Variants in KMT2E observed in about 807,000 individuals in gnomAD.
KMT2E encodes the protein lysine methyltransferase 2E (inactive).
KMT2E carries 30 observed loss-of-function variants against 184.6 expected under a neutral mutation model. The observed-to-expected ratio is 0.16, with a 90% CI of 0.12 to 0.22. KMT2E has a LOEUF of 0.22. Ranked by LOEUF, KMT2E falls within the 10% of genes least tolerant of loss-of-function variation. KMT2E has a pLI of 1.00. For missense variants in KMT2E, 2,023 were observed against 2,237.4 expected (o/e 0.90, Z 1.93); for synonymous variants, 815 against 776.5 (o/e 1.05, Z -0.82).
At chr7:105,110,188 C>A in intron 23 of KMT2E, 92 bp from the exon 24 acceptor site, 1 of 1,003,226 alleles carries the variant, frequency 1.0e-6, no homozygotes, top group Non-Finnish European at 1.6e-6. Flanking sequence ...AGATCAAAAG[C>A]CTTGGTCTGA....
In KMT2E at chr7:105,073,604, A is replaced by G. The variant is rs1008610462; in HGVS notation, c.498-15A>G. 7.8e-6 allele frequency: 12 copies of G among 1,537,354 alleles called. No homozygotes were observed. The highest frequency in any genetic ancestry group is 1.1e-5 in the South Asian group (1 of 88,056). On this transcript the variant is annotated splice_polypyrimidine_tract_variant and intron_variant, in intron 6 of 26. Transcript: ENST00000311117. ...CATGTATTTGATAAATAATTATGCT[A>G]ATTTTTTAATGTAGGAATTTGGATA... is the stretch of plus-strand genomic sequence containing the variant.
chr7:105,049,443 CAA>C (rs772840459), intron 3 of KMT2E, among the ~76,000 whole-genome samples: 2 of 126,738 alleles, frequency 1.6e-5, no homozygotes, highest in African/African-American at 2.9e-5. Flanking sequence ...GACCTTGTCT[CAA>C]AAAAAAAAAA....
intron 13 of KMT2E, among the ~76,000 whole-genome samples, chr7:105,082,815 A>G (rs562719055): frequency 2.0e-5 from 3 of 152,314 alleles, no homozygotes; most frequent in African/African-American, 7.2e-5. Context: ...AAGAGTCCAT[A>G]TCATAAAAAA....
At chr7:105,101,388 G>T in intron 15 of KMT2E, 37 bp from the exon 16 acceptor site, 2 of 1,385,952 alleles carry the variant, frequency 1.4e-6, no homozygotes, top group South Asian at 1.5e-5. Flanking sequence ...TTTGAGCATT[G>T]ATATTTATGA....
intron 1 of KMT2E, among the ~76,000 whole-genome samples, chr7:105,020,143 A>C (rs1794889659): frequency 6.6e-6 from 1 of 152,020 alleles, no homozygotes; most frequent in South Asian, 2.1e-4. Flanking sequence ...AAATTAAAAA[A>C]AAAAATTCTT....
chr7:105,070,906 A>G (rs978373209), intron 6 of KMT2E, among the ~76,000 whole-genome samples: 2 of 152,228 alleles, frequency 1.3e-5, no homozygotes, highest in African/African-American at 4.8e-5. Flanking sequence ...ACTCAAATAT[A>G]AAGCAAGTTA....
chr7:105,057,904 A>C (rs909535329), intron 3 of KMT2E, among the ~76,000 whole-genome samples: 1 of 152,220 alleles, frequency 6.6e-6, no homozygotes, highest in African/African-American at 2.4e-5. Context: ...TTCATCTTCA[A>C]ATTTTCTCAC....
In KMT2E at chr7:105,109,033, A is replaced by G. The variant is rs1446783417; in HGVS notation, c.3560A>G (p.His1187Arg). Residue 1187 changes from histidine to arginine, a missense_variant, in exon 23 of 27, where the codon CAT becomes CGT. His to Arg is a conservative substitution (Grantham distance 29). This residue lies in a region of KMT2E where 1,108 missense variants were observed against 1,050.9 expected (regional missense o/e 1.05). Coordinates refer to ENST00000311117, the MANE Select transcript of KMT2E (RefSeq NM_182931.3). ...TTTCCACTCATTAGTGTATCACCCC[A>G]TGCAAGTGGAAGCTTGAGCAACAAT... Reference protein sequence around the residue: ...ENFPLISVSPHASGSLSNNGD... With the variant: ...ENFPLISVSPRASGSLSNNGD... 1.9e-6 allele frequency: 3 copies of G among 1,614,076 alleles called. No individual in the cohort carries two copies. The highest frequency in any genetic ancestry group is 1.1e-5 in the South Asian group (1 of 91,092).
rs569662642 is a variant in KMT2E, at chr7:105,085,715, G to T, written c.1358+3918G>T. ...TTTTTTTTTTTGGAGACGGAGTCTC[G>T]CTCTGTCGCCTAGGATGGAGTGTGG... On this transcript the variant is annotated intron_variant, in intron 13 of 26. Transcript: ENST00000311117. Among the ~76,000 whole-genome samples, 193 of 146,252 alleles carry T rather than the reference G, an allele frequency of 1.3e-3. 4 individuals are homozygous for T. Among genetic ancestry groups the T allele is most frequent in the African/African-American group, 4.8e-3 (185 of 38,708 alleles).
chr7:105,031,272 G>T (rs529747093), intron 1 of KMT2E, among the ~76,000 whole-genome samples: 6 of 149,426 alleles, frequency 4.0e-5, no homozygotes, highest in Middle Eastern at 3.4e-3. Context: ...CAGGACAATC[G>T]CTTGATCCTG....
intron 21 of KMT2E, 62 bp from the exon 22 acceptor site, chr7:105,107,300 T>C: frequency 2.6e-6 from 4 of 1,519,712 alleles, no homozygotes; most frequent in South Asian, 2.5e-5. Context: ...CTGGTAAATT[T>C]TGAAATAAAC....
intron 20 of KMT2E, 52 bp from the exon 21 acceptor site, chr7:105,107,114 A>G (rs1045067432): frequency 3.2e-6 from 3 of 932,456 alleles, no homozygotes; most frequent in Non-Finnish European, 4.9e-6. Flanking sequence ...ATTATTATGG[A>G]TATACTTACG....
At chr7:105,051,214 T>C (rs554516678) in intron 3 of KMT2E, among the ~76,000 whole-genome samples, 1 of 149,462 alleles carries the variant, frequency 6.7e-6, no homozygotes, top group Non-Finnish European at 1.5e-5. Context: ...AGATGGAGTT[T>C]CGCTCTTGTT....
intron 3 of KMT2E, among the ~76,000 whole-genome samples, chr7:105,047,141 T>C (rs1796140883): frequency 6.6e-6 from 1 of 152,232 alleles, no homozygotes; most frequent in South Asian, 2.1e-4. Context: ...TGAAATGTTG[T>C]CTACCAAGGA....
intron 2 of KMT2E, among the ~76,000 whole-genome samples, chr7:105,039,953 T>A (rs147723094): frequency 6.6e-6 from 1 of 152,176 alleles, no homozygotes; most frequent in Non-Finnish European, 1.5e-5. Context: ...TTAGAAAAAT[T>A]GATGTTGAAG....
chr7:105,112,546 A>G lies in KMT2E; in HGVS notation c.4790A>G (p.Gln1597Arg), dbSNP rs1000242165. The G allele has an allele frequency of 6.2e-7, 1 of 1,614,084 alleles. No homozygotes were observed. Among genetic ancestry groups the G allele is most frequent in the Admixed American group, 1.7e-5 (1 of 60,014 alleles). The change falls in exon 27 of 27, where the codon CAA becomes CGA. Residue 1597 changes from glutamine to arginine, a missense_variant. Gln to Arg is a conservative substitution (Grantham distance 43). Around this residue, in one of 8 missense-constraint regions of KMT2E, gnomAD observed 1,108 missense variants for 1,050.9 expected, o/e 1.05. Transcript: ENST00000311117. ...NQALPGTTSQ[Q>R]TVPGHHVTPG... ...GCACTTCCTGGCACCACAAGCCAGC[A>G]AACAGTTCCAGGACACCACGTGACT...
chr7:105,045,069 G>A (rs183610647), intron 3 of KMT2E, among the ~76,000 whole-genome samples: 2 of 152,230 alleles, frequency 1.3e-5, no homozygotes, highest in East Asian at 1.9e-4. Flanking sequence ...AATTGGGCAC[G>A]GTCTAAAATG....
intron 17 of KMT2E, chr7:105,103,042 A>G (rs1798723331): frequency 6.6e-6 from 1 of 152,190 alleles, no homozygotes; most frequent in South Asian, 2.1e-4. Context: ...TTTCTAATTA[A>G]AAGTCTGTAC....
At chr7:105,050,348 C>T (rs1369367984) in intron 3 of KMT2E, among the ~76,000 whole-genome samples, 3 of 152,072 alleles carry the variant, frequency 2.0e-5, no homozygotes, top group Non-Finnish European at 2.9e-5. Context: ...GTCATTTTTT[C>T]CTGGCTTATT....
Sources: allele counts gnomAD v4.1 joint callset (sites outside exome capture counted in the v4.1 genomes callset), GRCh38; gene constraint gnomAD v4.1.1; regional missense constraint gnomAD v4.1.1; transcripts MANE v1.5; gene names NCBI Gene and HGNC (gene_info 2026-07-23, HGNC 2026-07-21).